CNNM1: variants seen among roughly 807,000 people sequenced by gnomAD.
The protein encoded by CNNM1 is cyclin and CBS domain divalent metal cation transport mediator 1, also known as metal transporter CNNM1.
A neutral mutation model predicts 78.8 loss-of-function variants in CNNM1; 44 were observed. The ratio of observed to expected loss-of-function variants is 0.56; its 90% CI spans 0.44 to 0.72. The LOEUF is 0.72. Among genes scored for constraint, CNNM1 ranks in the 30% least tolerant of loss-of-function variants. The pLI is 0.00. For synonymous variants in CNNM1, 584 were observed against 581.5 expected (o/e 1.00, Z -0.06); for missense variants, 1,101 against 1,292.2 (o/e 0.85, Z 2.27).
At chr10:99,372,121 A>G (rs760970809) in intron 6 of CNNM1, among the ~76,000 whole-genome samples, 19 of 152,146 alleles carry the variant, frequency 1.2e-4, no homozygotes, top group Admixed American at 3.3e-4. Context: ...GCTGCTGTGT[A>G]TAGATTTTCA....
chr10:99,330,238 G>A lies in CNNM1; in HGVS notation c.851G>A (p.Cys284Tyr). 2 of 1,539,374 alleles carry A rather than the reference G, an allele frequency of 1.3e-6. No individual in the cohort carries two copies. The highest frequency in any genetic ancestry group is 1.7e-6 in the Non-Finnish European group (2 of 1,144,766). Residue 284 changes from cysteine (C) to tyrosine (Y), a missense_variant, in exon 1 of 11, where the codon TGC becomes TAC. This residue lies in a region of CNNM1 where 476 missense variants were observed against 484.5 expected (regional missense o/e 0.98). Coordinates refer to ENST00000356713, the MANE Select transcript of CNNM1 (RefSeq NM_020348.3). The stretch of plus-strand genomic sequence containing the variant: ...CGCGGCAGGGGGACCCATCTGCTCT[G>A]CACCCTACTCCTGGGCCAAGCCGGA... ...AVRGRGTHLL[C>Y]TLLLGQAGAN...
chr10:99,374,744 T>C (rs1393260315), intron 6 of CNNM1, among the ~76,000 whole-genome samples: 3 of 152,238 alleles, frequency 2.0e-5, no homozygotes, highest in Admixed American at 2.0e-4. Context: ...TTATTCTACA[T>C]GTTTTCCTTG....
At chr10:99,388,589 G>A (rs970599028) in intron 9 of CNNM1, among the ~76,000 whole-genome samples, 1 of 152,158 alleles carries the variant, frequency 6.6e-6, no homozygotes, top group Non-Finnish European at 1.5e-5. Flanking sequence ...GCAATTTTAG[G>A]CAAGTTATTG....
At position 99,329,894 on chromosome 10, in the gene CNNM1, G is replaced by T; in HGVS notation, c.507G>T (p.Lys169Asn). Reference protein sequence around the residue: ...LVQVRVRELRKGEAERGGAGG... With the variant: ...LVQVRVRELRNGEAERGGAGG... ...AGGTGCGAGTGCGGGAGCTGCGCAA[G>T]GGCGAAGCGGAGCGGGGCGGCGCGG... Residue 169 changes from lysine (K) to asparagine (N), a missense_variant, in exon 1 of 11, where the codon AAG (lysine) becomes AAT (asparagine). Transcript: ENST00000356713. The T allele has an allele frequency of 7.2e-7, 1 of 1,391,120 alleles. No individual in the cohort carries two copies. The highest frequency in any genetic ancestry group is 9.3e-7 in the Non-Finnish European group (1 of 1,080,238). 86.2% of individuals were successfully genotyped at this position (1,391,120 alleles called of 1,614,324 possible).
chr10:99,387,802 C>T lies in CNNM1; in HGVS notation c.2341-18C>T, dbSNP rs769307479. ...TCTCTGCCTAGCTGCTCCTAAGCTC[C>T]TGCCCTCTTCCTTCCAGATCACACG... On this transcript the variant is annotated intron_variant, in intron 7 of 10. Transcript: ENST00000356713. 1 of 1,573,454 alleles carries T rather than the reference C, an allele frequency of 6.4e-7. No individual in the cohort carries two copies. The highest frequency in any genetic ancestry group is 1.4e-5 in the African/African-American group (1 of 74,022).
chr10:99,342,902 C>A (rs1185149827), intron 1 of CNNM1, among the ~76,000 whole-genome samples: 1 of 152,074 alleles, frequency 6.6e-6, no homozygotes. Flanking sequence ...CTTATAAAAG[C>A]ATAAAATTTT....
intron 1 of CNNM1, among the ~76,000 whole-genome samples, chr10:99,337,166 A>T (rs1251940620): frequency 6.6e-6 from 1 of 152,232 alleles, no homozygotes; most frequent in Non-Finnish European, 1.5e-5. Flanking sequence ...ACACAAGTCT[A>T]TTACTCATTT....
At chr10:99,375,527 A>G (rs1564956630) in intron 6 of CNNM1, among the ~76,000 whole-genome samples, 1 of 152,338 alleles carries the variant, frequency 6.6e-6, no homozygotes, top group South Asian at 2.1e-4. Flanking sequence ...CCTTAATTCC[A>G]TAATCAGATC....
chr10:99,353,425 T>C (rs926700238), intron 1 of CNNM1, among the ~76,000 whole-genome samples: 5 of 152,188 alleles, frequency 3.3e-5, no homozygotes, highest in Non-Finnish European at 7.3e-5. Context: ...GCTTCAATAA[T>C]AATAATAACA....
At chr10:99,382,141 C>T (rs575311360) in intron 7 of CNNM1, among the ~76,000 whole-genome samples, 1 of 152,294 alleles carries the variant, frequency 6.6e-6, no homozygotes, top group Admixed American at 6.5e-5. Context: ...TTATATCCAA[C>T]AGACTGAAGG....
intron 1 of CNNM1, among the ~76,000 whole-genome samples, chr10:99,336,969 G>A (rs765934159): frequency 2.6e-5 from 4 of 152,152 alleles, no homozygotes; most frequent in Non-Finnish European, 5.9e-5. Context: ...TTACTAGAAT[G>A]CCTGGGTTGA....
rs540780983 is a variant in CNNM1 at position 99,373,487 on chromosome 10, C to T, written c.2177-3568C>T. Among the ~76,000 whole-genome samples, 6 of 152,324 alleles carry T rather than the reference C, an allele frequency of 3.9e-5. No homozygotes were observed. In the East Asian group the frequency reaches 1.2e-3, roughly 29 times the overall value. ...GCAACAACTAGCCTGGAGGAAAGAA[C>T]ACAGACTTATCCAGCCACCACCCTA... On this transcript the variant is annotated intron_variant, in intron 6 of 10. Coordinates refer to ENST00000356713, the MANE Select transcript of CNNM1 (RefSeq NM_020348.3).
chr10:99,351,226 C>T (rs759535658), intron 1 of CNNM1, among the ~76,000 whole-genome samples: 23 of 152,246 alleles, frequency 1.5e-4, no homozygotes, highest in Non-Finnish European at 3.2e-4. Flanking sequence ...TTACTGACCT[C>T]AAATGTGCCA....
At chr10:99,360,132 A>G (rs1296797913) in intron 2 of CNNM1, among the ~76,000 whole-genome samples, 3 of 152,148 alleles carry the variant, frequency 2.0e-5, no homozygotes, top group Non-Finnish European at 2.9e-5. Flanking sequence ...TATAGGTCCA[A>G]TCTTATTTCT....
rs374069719 is a variant in CNNM1, at chr10:99,338,439, C to T, written c.1573+7479C>T. Among the ~76,000 whole-genome samples, 98 of 151,922 alleles carry T rather than the reference C, an allele frequency of 6.5e-4. 1 individual carries two copies. The South Asian group carries it at 0.017, about 26-fold the overall frequency. On this transcript the variant is annotated intron_variant, in intron 1 of 10. Coordinates refer to ENST00000356713, the MANE Select transcript of CNNM1 (RefSeq NM_020348.3). The stretch of plus-strand genomic sequence containing the variant: ...GACTACAGGCATGTGCCACCATGCC[C>T]GGCTAAATTTTTGTATTTTAGTAGA...
At chr10:99,356,305 A>G (rs941667630) in intron 1 of CNNM1, among the ~76,000 whole-genome samples, 2 of 151,926 alleles carry the variant, frequency 1.3e-5, no homozygotes, top group Non-Finnish European at 1.5e-5. Context: ...GTGAAACCCC[A>G]TCTCTACTAA....
chr10:99,360,447 G>A (rs1281015555), intron 2 of CNNM1, among the ~76,000 whole-genome samples: 3 of 152,134 alleles, frequency 2.0e-5, no homozygotes, highest in African/African-American at 7.2e-5. Flanking sequence ...TTTCCAGTTG[G>A]AGTCTCATAA....
At chr10:99,381,468 G>A (rs190703563) in intron 7 of CNNM1, among the ~76,000 whole-genome samples, 16 of 150,948 alleles carry the variant, frequency 1.1e-4, no homozygotes, top group Admixed American at 4.6e-4. Flanking sequence ...TAGGCCAGGC[G>A]CGGTGGCTCA....
chr10:99,362,123 A>AG, intron 3 of CNNM1, 104 bp from the exon 4 acceptor site: 2 of 1,067,100 alleles, frequency 1.9e-6, no homozygotes, highest in Non-Finnish European at 2.6e-6. Context: ...GTACAGGCAC[A>AG]GGGGTCCCAG....
Sources: gnomAD v4.1 joint callset for allele counts (sites outside exome capture counted in the v4.1 genomes callset) on GRCh38, gnomAD v4.1.1 for gene constraint, gnomAD v4.1.1 regional missense constraint, MANE v1.5 for transcripts, NCBI Gene and HGNC (gene_info 2026-07-23, HGNC 2026-07-21) for gene names.